SLC67A1: variants seen among roughly 807,000 people sequenced by gnomAD.
SLC67A1 encodes the protein solute carrier family 67 member 1, also known as solute carrier family 67 member A1.
At chr11:2,902,717 A>T in the SLC67A1 span, 1 of 985,520 alleles carries the variant, frequency 1.0e-6, no homozygotes, top group Non-Finnish European at 1.2e-6. Context: ...CCGCTGTGGG[A>T]GGTAAGGCAG....
At chr11:2,909,084 C>G in the SLC67A1 span, 1 of 1,042,992 alleles carries the variant, frequency 9.6e-7, no homozygotes, top group Non-Finnish European at 1.3e-6. Context: ...CGCCCTCCAT[C>G]CCCATCCCGC....
the SLC67A1 span, among the ~76,000 whole-genome samples, chr11:2,901,507 C>T: frequency 6.6e-6 from 1 of 152,244 alleles, no homozygotes; most frequent in Admixed American, 6.5e-5. Flanking sequence ...ATGAGCATCT[C>T]CCTACTTAGT....
chr11:2,916,960 G>A, the SLC67A1 span: 1 of 579,502 alleles, frequency 1.7e-6, no homozygotes, highest in Non-Finnish European at 3.1e-6. Flanking sequence ...CAGGCAGGGA[G>A]GCCCAGAGAG....
chr11:2,921,250 G>A, the SLC67A1 span: 1 of 148,840 alleles, frequency 6.7e-6, no homozygotes, highest in Non-Finnish European at 1.5e-5. Flanking sequence ...AAAAAAAAAG[G>A]TGTTAAAATC....
chr11:2,905,516 T>A, the SLC67A1 span, among the ~76,000 whole-genome samples: 1 of 152,252 alleles, frequency 6.6e-6, no homozygotes, highest in Non-Finnish European at 1.5e-5. Flanking sequence ...TCATCCTTTT[T>A]TATGGCTGCA....
the SLC67A1 span, chr11:2,924,901 G>T: frequency 1.7e-5 from 17 of 976,040 alleles, no homozygotes; most frequent in Non-Finnish European, 2.6e-5. The surrounding 1 kb of genome is among the most constrained non-coding windows in gnomAD (Gnocchi z 8.6). Context: ...GGACTGCGCC[G>T]TGAGGTCAGG....
chr11:2,915,036 G>A, the SLC67A1 span: 2 of 985,440 alleles, frequency 2.0e-6, no homozygotes, highest in East Asian at 2.3e-4. Flanking sequence ...CTGGGCGGTG[G>A]GTGCTGCAGG....
the SLC67A1 span, among the ~76,000 whole-genome samples, chr11:2,904,766 C>T: frequency 2.6e-5 from 4 of 152,254 alleles, no homozygotes; most frequent in African/African-American, 7.2e-5. Context: ...GGGAAGGGGG[C>T]GAGGTCTTCC....
chr11:2,919,376 A>G, the SLC67A1 span: 5 of 1,613,798 alleles, frequency 3.1e-6, no homozygotes, highest in Non-Finnish European at 4.2e-6. Context: ...CAAGCTGGCT[A>G]CCTCATGTCC....
the SLC67A1 span, chr11:2,920,579 G>C: frequency 6.6e-6 from 1 of 152,376 alleles, no homozygotes; most frequent in African/African-American, 2.4e-5. Context: ...CGCAGGAACT[G>C]GGCCTGGTGA....
chr11:2,918,603 C>T, the SLC67A1 span, among the ~76,000 whole-genome samples: 1 of 152,252 alleles, frequency 6.6e-6, no homozygotes, highest in African/African-American at 2.4e-5. Flanking sequence ...AATAGGCCCT[C>T]AGCACTCCAA....
the SLC67A1 span, among the ~76,000 whole-genome samples, chr11:2,915,902 A>C: frequency 1.3e-5 from 2 of 152,222 alleles, no homozygotes; most frequent in African/African-American, 2.4e-5. Context: ...GATTCCTTCC[A>C]GGGGAATCAC....
At chr11:2,910,648 G>A in the SLC67A1 span, among the ~76,000 whole-genome samples, 8 of 152,156 alleles carry the variant, frequency 5.3e-5, no homozygotes, top group Non-Finnish European at 8.8e-5. Flanking sequence ...CCATTGTGCC[G>A]GCCGAGGTGG....
the SLC67A1 span, among the ~76,000 whole-genome samples, chr11:2,913,408 G>A: frequency 6.6e-6 from 1 of 152,164 alleles, no homozygotes; most frequent in Non-Finnish European, 1.5e-5. Flanking sequence ...AGCCCATTTG[G>A]GGCAGGAGGG....
At chr11:2,922,113 C>T in the SLC67A1 span, 1 of 1,613,218 alleles carries the variant, frequency 6.2e-7, no homozygotes, top group Non-Finnish European at 8.5e-7. Context: ...TGACCCAGGG[C>T]CTGGTCATCG....
chr11:2,909,432 G>A, the SLC67A1 span: 1 of 1,453,704 alleles, frequency 6.9e-7, no homozygotes, highest in Non-Finnish European at 9.0e-7. Context: ...CACCTCCAGG[G>A]AGGTCTGCGT....
chr11:2,918,165 C>T, the SLC67A1 span: 1 of 1,174,012 alleles, frequency 8.5e-7, no homozygotes, highest in South Asian at 1.4e-5. Context: ...AGGGCCCGGC[C>T]CTTCCTCTGG....
At chr11:2,915,013 A>C in the SLC67A1 span, 1 of 985,452 alleles carries the variant, frequency 1.0e-6, no homozygotes, top group Non-Finnish European at 1.2e-6. Context: ...AGAAAACCTG[A>C]GTAGCTGACG....
the SLC67A1 span, among the ~76,000 whole-genome samples, chr11:2,918,504 G>A: frequency 1.3e-5 from 2 of 152,222 alleles, no homozygotes; most frequent in African/African-American, 4.8e-5. Flanking sequence ...AGATAGGATA[G>A]CGAGCCACGG....
Sources: gnomAD v4.1 joint callset for allele counts (sites outside exome capture counted in the v4.1 genomes callset) on GRCh38, gnomAD v4.1.1 for gene constraint, Gnocchi (gnomAD v3.1) non-coding constraint, MANE v1.5 for transcripts, NCBI Gene and HGNC (gene_info 2026-07-23, HGNC 2026-07-21) for gene names.